POC1B: variants seen among roughly 807,000 people sequenced by gnomAD.
The protein encoded by POC1B is POC1 centriolar protein homolog B.
A neutral mutation model predicts 60.6 loss-of-function variants in POC1B; 44 were observed. That is an observed-to-expected ratio of 0.73 (90% CI 0.57 to 0.93). The LOEUF (loss-of-function observed/expected upper bound fraction) is 0.93, where lower values mean the gene tolerates loss of function less well. POC1B is among the 40% of genes least tolerant of loss of function. The pLI is 0.00. For missense variants in POC1B, 555 were observed against 572.3 expected (o/e 0.97, Z 0.31); for synonymous variants, 180 against 198.9 (o/e 0.90, Z 0.80).
At chr12:89,525,274 T>G (rs1030515902) in intron 1 of POC1B, 70 bp from the exon 2 acceptor site, 10 of 1,538,474 alleles carry the variant, frequency 6.5e-6, no homozygotes, top group Non-Finnish European at 8.8e-6. Context: ...GGATCCACGC[T>G]GCCACTTCCC....
intron 1 of POC1B, 147 bp downstream of exon 1, chr12:89,525,734 C>T (rs1342077729): frequency 7.8e-6 from 10 of 1,284,900 alleles, no homozygotes; most frequent in Middle Eastern, 5.8e-4. Context: ...GAGTGAGATA[C>T]GGACGCCCCG....
At chr12:89,440,576 C>T (rs1397087612) in intron 10 of POC1B, among the ~76,000 whole-genome samples, 1 of 152,148 alleles carries the variant, frequency 6.6e-6, no homozygotes, top group African/African-American at 2.4e-5. Context: ...TCTCCTTACA[C>T]TTAGGAAAAA....
At chr12:89,419,541 G>A (rs1396897022), downstream of POC1B, among the ~76,000 whole-genome samples, 1 of 152,160 alleles carries the variant, frequency 6.6e-6, no homozygotes. Context: ...GAGATTGTTA[G>A]AGATGCAAAT....
chr12:89,483,861 T>C (rs193251210), intron 4 of POC1B, among the ~76,000 whole-genome samples: 398 of 152,320 alleles, frequency 2.6e-3, no homozygotes, highest in African/African-American at 9.0e-3. Context: ...GAAACTTGGA[T>C]CTACACAAAT....
chr12:89,493,577 G>A (rs1014204152), intron 3 of POC1B, among the ~76,000 whole-genome samples: 14 of 152,198 alleles, frequency 9.2e-5, no homozygotes, highest in African/African-American at 3.1e-4. Context: ...GCTCAGTGAA[G>A]TTTCAAGGGT....
At chr12:89,480,680 G>A (rs1883297035) in intron 4 of POC1B, among the ~76,000 whole-genome samples, 1 of 148,276 alleles carries the variant, frequency 6.7e-6, no homozygotes, top group South Asian at 2.1e-4. Flanking sequence ...GCTCACTGCA[G>A]GCTCCGCCCC....
intron 9 of POC1B, chr12:89,460,703 T>C (rs1882450414): frequency 6.6e-6 from 1 of 152,154 alleles, no homozygotes; most frequent in Non-Finnish European, 1.5e-5. Context: ...GACTTTAATG[T>C]TAAATTAAAA....
At chr12:89,470,257 A>T in intron 7 of POC1B, 104 bp downstream of exon 7, 1 of 652,836 alleles carries the variant, frequency 1.5e-6, no homozygotes, top group Non-Finnish European at 2.0e-6. Context: ...AATGTGTGCT[A>T]TGTCTGGAAA....
chr12:89,498,158 TG>T (rs1869351601), intron 2 of POC1B, among the ~76,000 whole-genome samples: 1 of 152,196 alleles, frequency 6.6e-6, no homozygotes, highest in Non-Finnish European at 1.5e-5. Flanking sequence ...CTTTTATAGC[TG>T]GATAAGATGA....
At chr12:89,431,359 C>T (rs568566489) in intron 10 of POC1B, among the ~76,000 whole-genome samples, 1 of 152,196 alleles carries the variant, frequency 6.6e-6, no homozygotes, top group South Asian at 2.1e-4. Context: ...GATATACAAA[C>T]ATCAAATCAG....
At position 89,466,865 on chromosome 12, in the gene POC1B, T is replaced by G. The variant is rs781507579; in HGVS notation, c.937A>C (p.Asn313His). Residue 313 changes from asparagine to histidine, a missense_variant, in exon 9 of 12, where the codon AAT becomes CAT. Transcript: ENST00000313546. ...ELHCKGLTKR[N>H]LKRLHFDSPP... ...GAATCAAAATGTAATCTTTTGAGATTTCTTTTGGTAAGACCTTTACAATGC... is the reference window on the plus strand; with the variant it reads ...GAATCAAAATGTAATCTTTTGAGATGTCTTTTGGTAAGACCTTTACAATGC... 15 of 1,613,032 alleles carry G rather than the reference T, an allele frequency of 9.3e-6. No individual in the cohort carries two copies.
At chr12:89,424,195 T>C (rs1477688755) in intron 11 of POC1B, among the ~76,000 whole-genome samples, 2 of 152,134 alleles carry the variant, frequency 1.3e-5, no homozygotes, top group African/African-American at 4.8e-5. Context: ...GATAAAAATA[T>C]TCACTTAAAT....
downstream of POC1B, among the ~76,000 whole-genome samples, chr12:89,418,258 G>C (rs552077304): frequency 2.6e-5 from 4 of 152,300 alleles, no homozygotes; most frequent in South Asian, 6.2e-4. Context: ...CCTCAGGAGG[G>C]AACACTTTGC....
Position 89,499,934 on chromosome 12 carries a change from C to T in POC1B, c.101-2592G>A, listed in dbSNP as rs55824511. On this transcript the variant is annotated intron_variant, in intron 2 of 11. Coordinates refer to ENST00000313546, the MANE Select transcript of POC1B (RefSeq NM_172240.3). Reference sequence around the variant, plus strand: ...GGAAGTGTTGTTGGCGCACGCCTTCCAGATCGCAGCTCTTGCGGCGGCCAT... The same window carrying T: ...GGAAGTGTTGTTGGCGCACGCCTTCTAGATCGCAGCTCTTGCGGCGGCCAT... Among the ~76,000 whole-genome samples the T allele has an allele frequency of 6.8e-3, 1,033 of 152,360 alleles. 12 individuals are homozygous for T. Among genetic ancestry groups the T allele is most frequent in the African/African-American group, 0.024 (994 of 41,582 alleles).
At chr12:89,404,512 T>C in the POC1B span, among the ~76,000 whole-genome samples, 1 of 152,342 alleles carries the variant, frequency 6.6e-6, no homozygotes, top group African/African-American at 2.4e-5. Flanking sequence ...TTAATGTTAA[T>C]GATGGAGCAC....
chr12:89,519,849 C>G (rs1036851493), intron 2 of POC1B: 3 of 152,106 alleles, frequency 2.0e-5, no homozygotes, highest in African/African-American at 7.3e-5. Flanking sequence ...TCAACCTATC[C>G]GTAAAGTTGG....
intron 10 of POC1B, among the ~76,000 whole-genome samples, chr12:89,440,911 C>T (rs533195988): frequency 6.6e-6 from 1 of 152,366 alleles, no homozygotes; most frequent in Admixed American, 6.5e-5. Context: ...AGGACACTCC[C>T]ACCCTAATAC....
At chr12:89,477,141 G>T (rs936201833) in intron 4 of POC1B, among the ~76,000 whole-genome samples, 4 of 152,188 alleles carry the variant, frequency 2.6e-5, no homozygotes, top group African/African-American at 9.7e-5. Flanking sequence ...AATTTTCACA[G>T]ACTCTAAAAA....
intron 3 of POC1B, among the ~76,000 whole-genome samples, chr12:89,496,859 T>A (rs1236797968): frequency 2.6e-5 from 4 of 152,188 alleles, no homozygotes; most frequent in African/African-American, 9.7e-5. Context: ...TACATACTGA[T>A]GTGTATCATT....
Sources: gnomAD v4.1 joint callset for allele counts (sites outside exome capture counted in the v4.1 genomes callset) on GRCh38, gnomAD v4.1.1 for gene constraint, MANE v1.5 for transcripts, NCBI Gene and HGNC (gene_info 2026-07-23, HGNC 2026-07-21) for gene names.